GABRR2: variants seen among roughly 807,000 people sequenced by gnomAD.
GABRR2 encodes gamma-aminobutyric acid type A receptor subunit rho2.
GABRR2 carries 36 observed loss-of-function variants against 47.0 expected under a neutral mutation model. The observed-to-expected ratio is 0.77, with a 90% CI of 0.59 to 1.01. GABRR2 has a LOEUF of 1.01. Among genes scored for constraint, GABRR2 ranks in the 50% least tolerant of loss-of-function variants. GABRR2 has a pLI of 0.00. For missense variants in GABRR2, 587 were observed against 594.6 expected (o/e 0.99, Z 0.13); for synonymous variants, 204 against 227.5 (o/e 0.90, Z 0.93).
chr6:89,259,407 G>T (rs1773686033), intron 8 of GABRR2, among the ~76,000 whole-genome samples: 1 of 152,040 alleles, frequency 6.6e-6, no homozygotes, highest in Admixed American at 6.6e-5. Context: ...TGAAGAAATT[G>T]TTCGTGGTTT....
At chr6:89,269,276 G>T in intron 3 of GABRR2, 42 bp from the exon 4 acceptor site, 2 of 1,491,416 alleles carry the variant, frequency 1.3e-6, no homozygotes, top group Non-Finnish European at 1.9e-6. Context: ...TGGCTTAGAA[G>T]GTTTTCTTCC....
chr6:89,287,549 A>G (rs1295825013), intron 2 of GABRR2, among the ~76,000 whole-genome samples: 1 of 152,206 alleles, frequency 6.6e-6, no homozygotes, highest in Non-Finnish European at 1.5e-5. Flanking sequence ...CCCCACCTCC[A>G]TCGCCGCCTC....
At chr6:89,264,757 C>T in intron 7 of GABRR2, 149 bp from the exon 8 acceptor site, 2 of 1,036,994 alleles carry the variant, frequency 1.9e-6, no homozygotes, top group South Asian at 3.2e-5. Flanking sequence ...AAGGATCTGC[C>T]CTACTAGCAG....
rs1301083369 is a variant in GABRR2 at position 89,269,221 on chromosome 6, G to A, written c.302C>T (p.Thr101Ile). ...CTTCCAGTAATGCCGCAGGTACAGG[G>A]TCATAGTGAAGTCCTGTGGGAGCCG... ...ISEVDMDFTM[T>I]LYLRHYWKDE... The change falls in exon 4 of 9, where the codon ACC (threonine) becomes ATC (isoleucine). Residue 101 changes from threonine (T) to isoleucine (I), a missense_variant. Thr to Ile is a moderately conservative substitution (Grantham distance 89, BLOSUM62 -1). Coordinates refer to ENST00000402938, the MANE Select transcript of GABRR2 (RefSeq NM_002043.5). 3.7e-6 allele frequency: 6 copies of A among 1,613,942 alleles called. No individual in the cohort carries two copies. The highest frequency in any genetic ancestry group is 5.1e-6 in the Non-Finnish European group (6 of 1,179,836).
intron 1 of GABRR2, among the ~76,000 whole-genome samples, chr6:89,311,266 G>A (rs1767677521): frequency 1.3e-5 from 2 of 152,316 alleles, no homozygotes; most frequent in South Asian, 4.1e-4. Context: ...CTGACTCACA[G>A]GGAGTAAATC....
intron 1 of GABRR2, 95 bp downstream of exon 1, chr6:89,314,958 A>G: frequency 9.2e-7 from 1 of 1,084,106 alleles, no homozygotes; most frequent in East Asian, 2.4e-5. Context: ...GCGATATCTC[A>G]ATAGGACCTT....
At chr6:89,309,323 C>T (rs1767635532) in intron 1 of GABRR2, among the ~76,000 whole-genome samples, 1 of 152,074 alleles carries the variant, frequency 6.6e-6, no homozygotes. Context: ...GCCTAATGCC[C>T]CTTCTTACAG....
intron 2 of GABRR2, among the ~76,000 whole-genome samples, chr6:89,299,310 G>A (rs143061746): frequency 1.3e-5 from 2 of 152,282 alleles, no homozygotes; most frequent in African/African-American, 2.4e-5. Flanking sequence ...GCAATGCCTT[G>A]TTCAGAATTC....
chr6:89,258,000 A>G lies in GABRR2; in HGVS notation c.1087-19T>C, dbSNP rs1773647348. On this transcript the variant is annotated intron_variant, in intron 8 of 8. Coordinates refer to ENST00000402938, the MANE Select transcript of GABRR2 (RefSeq NM_002043.5). Reference sequence around the variant, plus strand: ...ACGGGAACTATGGGCAGCAAGCACAAAGAACATCATTAAGCCTTGTGAGGT... The same window carrying G: ...ACGGGAACTATGGGCAGCAAGCACAGAGAACATCATTAAGCCTTGTGAGGT... The G allele has an allele frequency of 2.1e-5, 33 of 1,607,150 alleles. No individual in the cohort carries two copies. Among genetic ancestry groups the G allele is most frequent in the Non-Finnish European group, 2.7e-5 (32 of 1,176,502 alleles).
At chr6:89,299,560 T>C (rs1029579328) in intron 2 of GABRR2, among the ~76,000 whole-genome samples, 199 bp downstream of exon 2, 1 of 152,204 alleles carries the variant, frequency 6.6e-6, no homozygotes, top group Non-Finnish European at 1.5e-5. Flanking sequence ...GTGGGCCCTC[T>C]TTAGTCAACG....
At chr6:89,312,154 G>A (rs1350695164) in intron 1 of GABRR2, among the ~76,000 whole-genome samples, 1 of 152,208 alleles carries the variant, frequency 6.6e-6, no homozygotes, top group Non-Finnish European at 1.5e-5. Context: ...AGGGAGAAGT[G>A]CCTCCCTTGG....
At chr6:89,284,002 C>T (rs1774294099) in intron 2 of GABRR2, among the ~76,000 whole-genome samples, 1 of 152,236 alleles carries the variant, frequency 6.6e-6, no homozygotes, top group South Asian at 2.1e-4. Flanking sequence ...CAGATTGGCC[C>T]TCAAAATGAT....
chr6:89,303,539 A>G (rs1293420256), intron 1 of GABRR2, among the ~76,000 whole-genome samples: 1 of 151,750 alleles, frequency 6.6e-6, no homozygotes, highest in Non-Finnish European at 1.5e-5. Context: ...ATTCAATGCT[A>G]TTTCTATCAA....
intron 8 of GABRR2, among the ~76,000 whole-genome samples, chr6:89,259,690 G>T (rs1773697154): frequency 6.6e-6 from 1 of 151,596 alleles, no homozygotes; most frequent in Non-Finnish European, 1.5e-5. Context: ...TTTTAGTAGA[G>T]ACAGGGTTTC....
At chr6:89,280,073 G>C (rs1485607752) in intron 2 of GABRR2, among the ~76,000 whole-genome samples, 1 of 151,872 alleles carries the variant, frequency 6.6e-6, no homozygotes, top group Non-Finnish European at 1.5e-5. Context: ...AGCCAGGTGT[G>C]GGGGCTCATG....
chr6:89,270,006 G>C (rs282122), intron 3 of GABRR2, among the ~76,000 whole-genome samples: 1 of 152,142 alleles, frequency 6.6e-6, no homozygotes, highest in East Asian at 1.9e-4. Context: ...GAAAGAGTTC[G>C]TGGTTGTGGT....
In GABRR2 at chr6:89,267,707, AG is replaced by A; in HGVS notation, c.707del (p.Thr236IlefsTer39). 1 of 1,613,888 alleles carries A rather than the reference AG, an allele frequency of 6.2e-7. No individual in the cohort carries two copies. The highest frequency in any genetic ancestry group is 1.1e-5 in the South Asian group (1 of 91,030). On this transcript the variant is annotated frameshift_variant, in exon 6 of 9. Coordinates refer to ENST00000402938, the MANE Select transcript of GABRR2 (RefSeq NM_002043.5). LOFTEE classifies it high-confidence loss of function. ...TGCTGCTGTAGAAGGCCAGCCTGGAAGTTGTGTGAAATTTCTGAATCAGAAA... is the reference window on the plus strand; with the variant it reads ...TGCTGCTGTAGAAGGCCAGCCTGGAATTGTGTGAAATTTCTGAATCAGAAA... ...SQFLIQKFHTTSRLAFYSSTG... is the reference protein window; with the variant it reads ...SQFLIQKFHTXSRLAFYSSTG...
chr6:89,311,868 G>A (rs578005045), intron 1 of GABRR2, among the ~76,000 whole-genome samples: 5 of 152,298 alleles, frequency 3.3e-5, no homozygotes, highest in South Asian at 2.1e-4. Flanking sequence ...GCTAGATGGC[G>A]GCAGAACCAA....
intron 1 of GABRR2, among the ~76,000 whole-genome samples, chr6:89,305,232 G>T (rs1290559569): frequency 6.6e-6 from 1 of 152,216 alleles, no homozygotes; most frequent in Non-Finnish European, 1.5e-5. Context: ...GTGTATGTCT[G>T]TAATCCCAGC....
Sources: allele counts gnomAD v4.1 joint callset (sites outside exome capture counted in the v4.1 genomes callset), GRCh38; gene constraint gnomAD v4.1.1; transcripts MANE v1.5; gene names NCBI Gene and HGNC (gene_info 2026-07-23, HGNC 2026-07-21).